The following MAGI3 variants were observed in gnomAD, a reference collection of about 807,000 sequenced individuals.
MAGI3 encodes the protein membrane associated guanylate kinase, WW and PDZ domain containing 3.
Under a neutral mutation model 121.8 loss-of-function variants are expected in MAGI3, and 43 were observed. The observed-to-expected ratio is 0.35, with a 90% confidence interval of 0.28 to 0.46. The LOEUF (loss-of-function observed/expected upper bound fraction) is 0.46, where lower values mean the gene tolerates loss of function less well. MAGI3 is among the 20% of genes least tolerant of loss of function. The pLI is 1.00. For missense variants in MAGI3, 1,547 were observed against 1,797.3 expected, an observed-to-expected ratio of 0.86 and a Z score of 2.52; for synonymous variants, 553 against 639.3, an observed-to-expected ratio of 0.86 and a Z score of 2.04.
At chr1:113,537,674 T>C (rs767137199) in intron 1 of MAGI3, among the ~76,000 whole-genome samples, 1 of 152,198 alleles carries the variant, frequency 6.6e-6, no homozygotes, top group Non-Finnish European at 1.5e-5. Flanking sequence ...GTCCAAATTG[T>C]TTTGTATTTT....
At chr1:113,540,469 C>T (rs1470105309) in intron 1 of MAGI3, among the ~76,000 whole-genome samples, 4 of 152,170 alleles carry the variant, frequency 2.6e-5, no homozygotes, top group Admixed American at 6.5e-5. Flanking sequence ...GGTGGACAAG[C>T]GGTCAATGTG....
intron 2 of MAGI3, among the ~76,000 whole-genome samples, chr1:113,563,694 A>G (rs1009933329): frequency 1.1e-4 from 17 of 152,210 alleles, no homozygotes; most frequent in Admixed American, 2.6e-4. Context: ...ATCCTCTGAG[A>G]ACCAGTTTTC....
intron 9 of MAGI3, among the ~76,000 whole-genome samples, chr1:113,633,337 C>T (rs1651783504): frequency 7.8e-6 from 1 of 128,656 alleles, no homozygotes; most frequent in Admixed American, 9.4e-5. Flanking sequence ...TCTAGGGTTA[C>T]TGCAAGCTCC....
At chr1:113,398,179 A>G (rs967517507) in intron 1 of MAGI3, among the ~76,000 whole-genome samples, 1 of 152,138 alleles carries the variant, frequency 6.6e-6, no homozygotes, top group African/African-American at 2.4e-5. Context: ...CCATAATTTG[A>G]CTTATGACAT....
At chr1:113,493,953 G>A (rs1343220713) in intron 1 of MAGI3, among the ~76,000 whole-genome samples, 1 of 152,204 alleles carries the variant, frequency 6.6e-6, no homozygotes, top group Non-Finnish European at 1.5e-5. Context: ...CATTGTGGGA[G>A]ACGATGTGGC....
In MAGI3 at chr1:113,684,112, A is replaced by AGAT; in HGVS notation, c.*99_*101dup. The AGAT allele has an allele frequency of 7.6e-7, 1 of 1,314,646 alleles. No homozygotes were observed. Among genetic ancestry groups the AGAT allele is most frequent in the East Asian group, 2.6e-5 (1 of 39,150 alleles). 81.4% of individuals were successfully genotyped at this position (1,314,646 alleles called of 1,614,324 possible). ...TTTTTTTTTTCAGATATTCTGAAACAGATAAGTACATGTTAATGTGAGCCT... is the reference window on the plus strand; with the variant it reads ...TTTTTTTTTTCAGATATTCTGAAACAGATGATAAGTACATGTTAATGTGAGCCT... On this transcript the variant is annotated 3_prime_UTR_variant, in exon 21 of 21. Coordinates refer to ENST00000307546, the MANE Select transcript of MAGI3 (RefSeq NM_001142782.2).
chr1:113,609,176 C>T (rs1649973761), intron 6 of MAGI3, among the ~76,000 whole-genome samples: 1 of 152,184 alleles, frequency 6.6e-6, no homozygotes, highest in Non-Finnish European at 1.5e-5. Context: ...GTAATAGCCC[C>T]ACGGAAGACT....
intron 1 of MAGI3, among the ~76,000 whole-genome samples, chr1:113,392,586 A>G (rs1280425208): frequency 6.6e-6 from 1 of 152,196 alleles, no homozygotes; most frequent in African/African-American, 2.4e-5. Flanking sequence ...GGATATGTAT[A>G]CACACAGACT....
intron 6 of MAGI3, among the ~76,000 whole-genome samples, chr1:113,608,495 CT>C (rs1649926944): frequency 6.6e-6 from 1 of 152,176 alleles, no homozygotes. Context: ...TATTTTACCC[CT>C]GCAGGAGGGA....
At chr1:113,434,286 T>TTC (rs1653449512) in intron 1 of MAGI3, among the ~76,000 whole-genome samples, 1 of 152,136 alleles carries the variant, frequency 6.6e-6, no homozygotes, top group African/African-American at 2.4e-5. Context: ...AGCACACTGA[T>TTC]AGGCCAGGCA....
intron 2 of MAGI3, among the ~76,000 whole-genome samples, chr1:113,574,997 A>G (rs973723035): frequency 2.6e-5 from 4 of 152,120 alleles, no homozygotes; most frequent in Non-Finnish European, 5.9e-5. Context: ...ATACTTGTAT[A>G]TACTTCATGA....
At chr1:113,458,511 T>C (rs936283191) in intron 1 of MAGI3, among the ~76,000 whole-genome samples, 6 of 152,134 alleles carry the variant, frequency 3.9e-5, no homozygotes, top group Non-Finnish European at 8.8e-5. Flanking sequence ...TTATGTTTTT[T>C]ACTTTTATAT....
intron 2 of MAGI3, among the ~76,000 whole-genome samples, chr1:113,577,355 A>G (rs1333245456): frequency 6.6e-6 from 1 of 152,136 alleles, no homozygotes; most frequent in Non-Finnish European, 1.5e-5. Context: ...ATGGTTGGGG[A>G]AAAGATCTTA....
chr1:113,560,643 T>TA (rs1660196673), intron 2 of MAGI3, among the ~76,000 whole-genome samples: 2 of 152,090 alleles, frequency 1.3e-5, no homozygotes, highest in African/African-American at 4.8e-5. Context: ...TTTATAGTAC[T>TA]AAATGTCCAC....
chr1:113,437,727 TTTC>T (rs923294770), intron 1 of MAGI3, among the ~76,000 whole-genome samples: 8 of 133,290 alleles, frequency 6.0e-5, no homozygotes, highest in Non-Finnish European at 1.4e-4. Flanking sequence ...CTTCTCCTTC[TTTC>T]TTCTTCCTTT....
At chr1:113,586,961 G>C (rs1474060377) in intron 4 of MAGI3, among the ~76,000 whole-genome samples, 1 of 152,118 alleles carries the variant, frequency 6.6e-6, no homozygotes, top group Non-Finnish European at 1.5e-5. Context: ...ATATCCAAGG[G>C]TGTGTGGGAG....
chr1:113,541,886 G>A (rs1365541271), intron 1 of MAGI3, among the ~76,000 whole-genome samples: 2 of 152,152 alleles, frequency 1.3e-5, no homozygotes, highest in African/African-American at 4.8e-5. Context: ...CAGCAACACT[G>A]GATTTCTCTC....
chr1:113,491,585 G>T (rs1019243938), intron 1 of MAGI3, among the ~76,000 whole-genome samples: 1 of 152,094 alleles, frequency 6.6e-6, no homozygotes, highest in Non-Finnish European at 1.5e-5. Flanking sequence ...GTGAATCCAG[G>T]AGCTGGTTTT....
intron 1 of MAGI3, among the ~76,000 whole-genome samples, chr1:113,474,177 G>A (rs1655687853): frequency 6.6e-6 from 1 of 152,096 alleles, no homozygotes; most frequent in Admixed American, 6.5e-5. Flanking sequence ...TTTGTCAGAT[G>A]GGTAGATCGC....
Sources: gnomAD v4.1 joint callset for allele counts (sites outside exome capture counted in the v4.1 genomes callset) on GRCh38, gnomAD v4.1.1 for gene constraint, MANE v1.5 for transcripts, NCBI Gene and HGNC (gene_info 2026-07-23, HGNC 2026-07-21) for gene names.